SNX25: variants seen among roughly 807,000 people sequenced by gnomAD.
SNX25 encodes sorting nexin 25, also known as sorting nexin-25.
A neutral mutation model predicts 113.7 loss-of-function variants in SNX25; 62 were observed. The observed-to-expected ratio is 0.55, with a 90% CI of 0.44 to 0.67. The LOEUF (loss-of-function observed/expected upper bound fraction) is 0.67, where lower values mean the gene tolerates loss of function less well. Among genes scored for constraint, SNX25 ranks in the 30% least tolerant of loss-of-function variants. The pLI is 0.00. For synonymous variants in SNX25, 421 were observed against 436.2 expected (o/e 0.97, Z 0.43); for missense variants, 1,014 against 1,161.0 (o/e 0.87, Z 1.84).
At chr4:185,215,460 A>G (rs1189504003) in intron 1 of SNX25, among the ~76,000 whole-genome samples, 3 of 152,226 alleles carry the variant, frequency 2.0e-5, no homozygotes, top group Non-Finnish European at 4.4e-5. Context: ...TAGGATTCCT[A>G]AATGAATTCT....
intron 6 of SNX25, among the ~76,000 whole-genome samples, chr4:185,292,480 C>T (rs1752319744): frequency 6.6e-6 from 1 of 152,178 alleles, no homozygotes. Context: ...CTCACTGCAA[C>T]TTCCGCCTCC....
chr4:185,271,375 T>C (rs1748906872), intron 5 of SNX25, among the ~76,000 whole-genome samples: 1 of 152,172 alleles, frequency 6.6e-6, no homozygotes, highest in Non-Finnish European at 1.5e-5. Flanking sequence ...GCCTCCGGGT[T>C]TAAGCGATCC....
chr4:185,310,630 T>G lies in SNX25; in HGVS notation c.1163-5T>G, dbSNP rs1456615849. On this transcript the variant is annotated splice_polypyrimidine_tract_variant and splice_region_variant and intron_variant, in intron 6 of 18. Transcript: ENST00000652585. ...ACCAGGTACTGTTTCTCACTCCTAT[T>G]CAAGGTAAAGAAACTGCGGCAATGA... The G allele has an allele frequency of 1.9e-6, 3 of 1,612,104 alleles. No homozygotes were observed. In the African/African-American group the frequency reaches 4.0e-5, roughly 22 times the overall value.
chr4:185,221,334 G>A (rs1049017580), intron 1 of SNX25, among the ~76,000 whole-genome samples: 1 of 151,868 alleles, frequency 6.6e-6, no homozygotes, highest in Admixed American at 6.6e-5. Context: ...TGCCTGACCC[G>A]GGCTAATTAA....
chr4:185,359,174 G>A (rs2095351396), intron 16 of SNX25, among the ~76,000 whole-genome samples: 1 of 152,120 alleles, frequency 6.6e-6, no homozygotes, highest in Non-Finnish European at 1.5e-5. Context: ...GCAACATGGT[G>A]AGACCCTGTC....
At chr4:185,332,987 A>G (rs2095206191) in intron 10 of SNX25, among the ~76,000 whole-genome samples, 1 of 152,192 alleles carries the variant, frequency 6.6e-6, no homozygotes, top group Admixed American at 6.5e-5. Context: ...TGTTCTTTAC[A>G]TCTGCTTTGC....
chr4:185,312,098 C>A (rs770846025), intron 7 of SNX25, among the ~76,000 whole-genome samples: 12 of 152,108 alleles, frequency 7.9e-5, no homozygotes, highest in Non-Finnish European at 1.8e-4. Context: ...TTGGTTTTGG[C>A]CTCTTAGATT....
chr4:185,254,098 G>A (rs1746052992), intron 2 of SNX25, among the ~76,000 whole-genome samples: 2 of 152,126 alleles, frequency 1.3e-5, no homozygotes, highest in Admixed American at 6.5e-5. Flanking sequence ...TGGCACAGAG[G>A]AAGCAAGGCT....
At chr4:185,338,825 A>G (rs971260061) in intron 10 of SNX25, among the ~76,000 whole-genome samples, 22 of 152,118 alleles carry the variant, frequency 1.4e-4, no homozygotes, top group Admixed American at 7.2e-4. Context: ...CCCTTGTTCT[A>G]TATGTCTGTC....
At position 185,362,024 on chromosome 4, in the gene SNX25, C is replaced by A. The variant is rs765032786; in HGVS notation, c.2752C>A (p.Pro918Thr). 5.0e-6 allele frequency: 8 copies of A among 1,613,820 alleles called. No individual in the cohort carries two copies. The highest frequency in any genetic ancestry group is 5.9e-6 in the Non-Finnish European group (7 of 1,179,956). Residue 918 changes from proline (P) to threonine (T), a missense_variant, in exon 17 of 19, where the codon CCA (proline) becomes ACA (threonine). Pro to Thr is a conservative substitution (Grantham distance 38, BLOSUM62 -1). Coordinates refer to ENST00000652585, the MANE Select transcript of SNX25 (RefSeq NM_001378034.2). ...DAFWPNGKLA[P>T]PTTIRSKEQS... The stretch of plus-strand genomic sequence containing the variant: ...TTTTTGGCCAAATGGGAAGTTGGCA[C>A]CACCGACCACAATCAGAAGCAAAGA...
At chr4:185,227,658 A>T (rs1215245597) in intron 1 of SNX25, among the ~76,000 whole-genome samples, 1 of 152,058 alleles carries the variant, frequency 6.6e-6, no homozygotes, top group African/African-American at 2.4e-5. Context: ...TGGGGGTTAA[A>T]TGTGTACAGG....
At chr4:185,289,755 C>T (rs1261082413) in intron 6 of SNX25, among the ~76,000 whole-genome samples, 1 of 152,198 alleles carries the variant, frequency 6.6e-6, no homozygotes, top group Non-Finnish European at 1.5e-5. Context: ...AAAGAGAACA[C>T]TGGAGAGGTG....
chr4:185,210,362 G>T lies in SNX25; in HGVS notation c.429+107G>T. The T allele has an allele frequency of 1.0e-6, 1 of 978,426 alleles. No individual in the cohort carries two copies. The highest frequency in any genetic ancestry group is 1.1e-4 in the East Asian group (1 of 8,764). The allele number at this position is 978,426 out of a possible 1,614,324, so 60.6% of individuals were successfully genotyped here. ...GGCCGCGGCATGCCCTTGTCGAAGCGGGAAGCCGGGAGCCAGGGGGCTGGG... is the reference window on the plus strand; with the variant it reads ...GGCCGCGGCATGCCCTTGTCGAAGCTGGAAGCCGGGAGCCAGGGGGCTGGG... On this transcript the variant is annotated intron_variant, in intron 1 of 18. Coordinates refer to ENST00000652585, the MANE Select transcript of SNX25 (RefSeq NM_001378034.2). This position sits in a 1 kb window ranked among gnomAD's most constrained non-coding sequence, Gnocchi z 4.4.
intron 5 of SNX25, among the ~76,000 whole-genome samples, chr4:185,271,918 G>C (rs1312208246): frequency 6.6e-6 from 1 of 152,248 alleles, no homozygotes; most frequent in Non-Finnish European, 1.5e-5. Context: ...AGTAGAACTA[G>C]AAATGCATCC....
chr4:185,340,692 A>G (rs2095255296), intron 11 of SNX25, among the ~76,000 whole-genome samples: 1 of 151,970 alleles, frequency 6.6e-6, no homozygotes, highest in Non-Finnish European at 1.5e-5. Context: ...TGGCCCTGAC[A>G]CTTCACAGTG....
chr4:185,373,026 A>G (rs1290370920), downstream of SNX25: 1 of 1,612,564 alleles, frequency 6.2e-7, no homozygotes, highest in Non-Finnish European at 8.5e-7. Flanking sequence ...GCCCAAGTGC[A>G]CCCTGGGACT....
At chr4:185,325,726 G>C (rs943340186) in intron 9 of SNX25, among the ~76,000 whole-genome samples, 3 of 152,172 alleles carry the variant, frequency 2.0e-5, no homozygotes, top group African/African-American at 4.8e-5. Flanking sequence ...CCATGGATTT[G>C]TACTGTCAGA....
chr4:185,292,703 A>G (rs1246630343), intron 6 of SNX25, among the ~76,000 whole-genome samples: 1 of 152,092 alleles, frequency 6.6e-6, no homozygotes, highest in Non-Finnish European at 1.5e-5. Flanking sequence ...GCACCCGGCC[A>G]TGGACAGGAG....
intron 16 of SNX25, among the ~76,000 whole-genome samples, chr4:185,358,623 T>C (rs1329172732): frequency 1.3e-5 from 2 of 152,216 alleles, no homozygotes; most frequent in Non-Finnish European, 1.5e-5. Context: ...ACTGCTTGTC[T>C]GAAGTCACCA....
Sources: gnomAD v4.1 joint callset for allele counts (sites outside exome capture counted in the v4.1 genomes callset) on GRCh38, gnomAD v4.1.1 for gene constraint, Gnocchi (gnomAD v3.1) non-coding constraint, MANE v1.5 for transcripts, NCBI Gene and HGNC (gene_info 2026-07-23, HGNC 2026-07-21) for gene names.